PLA2G2A: variants seen among roughly 807,000 people sequenced by gnomAD.
The protein encoded by PLA2G2A is phospholipase A2 group IIA, also known as phospholipase A2, membrane associated.
A neutral mutation model predicts 11.2 loss-of-function variants in PLA2G2A; 6 were observed. The observed-to-expected ratio is 0.54, with a 90% CI of 0.29 to 1.06. PLA2G2A has a LOEUF of 1.06. Among genes scored for constraint, PLA2G2A ranks in the 50% least tolerant of loss-of-function variants. PLA2G2A has a pLI of 0.08. For missense variants in PLA2G2A, 133 were observed against 177.1 expected (o/e 0.75, Z 1.41); for synonymous variants, 69 against 65.8 (o/e 1.05, Z -0.23).
chr1:19,978,250 C>T (rs2046249183), intron 3 of PLA2G2A, 129 bp from the exon 4 acceptor site: 3 of 1,374,494 alleles, frequency 2.2e-6, no homozygotes, highest in African/African-American at 1.4e-5. Context: ...GAAGTTCCAA[C>T]ATGCCGGCTG....
intron 1 of PLA2G2A, 94 bp from the exon 2 acceptor site, chr1:19,978,973 G>GCACGCACGCACA (rs562663581): frequency 5.2e-6 from 3 of 571,986 alleles, no homozygotes; most frequent in Admixed American, 2.6e-5. Flanking sequence ...CTCCAGCAAT[G>GCACGCACGCACA]CACACACACA....
chr1:19,978,984 C>T (rs969204344), intron 1 of PLA2G2A, 105 bp from the exon 2 acceptor site: 2 of 623,532 alleles, frequency 3.2e-6, no homozygotes, highest in Non-Finnish European at 2.9e-6. Context: ...CACACACACA[C>T]ACACACACAC....
downstream of PLA2G2A, chr1:19,975,465 C>T (rs562300796): frequency 1.9e-4 from 108 of 573,798 alleles, no homozygotes; most frequent in African/African-American, 1.9e-3. Context: ...TCAGAAGAGA[C>T]CCCCCGGAGT....
At chr1:19,978,973 G>GCACGCACACGCACA (rs562663581) in intron 1 of PLA2G2A, 94 bp from the exon 2 acceptor site, 1 of 484,672 alleles carries the variant, frequency 2.1e-6, no homozygotes, top group East Asian at 3.6e-5. Context: ...CTCCAGCAAT[G>GCACGCACACGCACA]CACACACACA....
downstream of PLA2G2A, chr1:19,975,650 T>C (rs749178731): frequency 7.1e-6 from 11 of 1,554,488 alleles, no homozygotes; most frequent in Non-Finnish European, 9.8e-6. Flanking sequence ...AGGGAGGGTA[T>C]GAGAGAGGGA....
At chr1:19,978,825 T>C (rs755729647) in exon 2 of PLA2G2A, 1 of 1,584,176 alleles carries the variant, frequency 6.3e-7, no homozygotes, top group South Asian at 1.1e-5. Flanking sequence ...GCTCCTCTGC[T>C]GGGTGGTCTC....
intron 4 of PLA2G2A, among the ~76,000 whole-genome samples, chr1:19,977,066 C>T (rs1003812710): frequency 1.3e-5 from 2 of 152,228 alleles, no homozygotes; most frequent in African/African-American, 4.8e-5. Context: ...ATCACACCCA[C>T]CTCTCAGGTC....
upstream of PLA2G2A, chr1:19,979,663 G>A (rs1268424783): frequency 6.6e-6 from 1 of 152,440 alleles, no homozygotes; most frequent in East Asian, 1.9e-4. Flanking sequence ...GCTCCCTCTG[G>A]GAGGTTGGGG....
At chr1:19,978,623 C>CT (rs1302515622) in intron 2 of PLA2G2A, 99 bp from the exon 3 acceptor site, 9 of 1,599,204 alleles carry the variant, frequency 5.6e-6, no homozygotes, top group Non-Finnish European at 7.7e-6. Flanking sequence ...CAAATGGCTT[C>CT]TTTTTTCCCC....
At chr1:19,980,149 G>A (rs542448460), upstream of PLA2G2A, among the ~76,000 whole-genome samples, 1 of 152,194 alleles carries the variant, frequency 6.6e-6, no homozygotes, top group Non-Finnish European at 1.5e-5. Context: ...CAGGCCTCAC[G>A]TGTGCACCCC....
In PLA2G2A at chr1:19,978,327, C is replaced by T. The variant is rs573855267; in HGVS notation, c.185+53G>A. 36 of 1,594,392 alleles carry T rather than the reference C, an allele frequency of 2.3e-5. No individual in the cohort carries two copies. The African/African-American group carries it at 4.2e-4, about 18-fold the overall frequency. Reference sequence around the variant, plus strand: ...GAACCGGCACTGTCTTTGCAGCTCCCAGCCCTGCCTGGGCCAGAGTCTAGG... The same window carrying T: ...GAACCGGCACTGTCTTTGCAGCTCCTAGCCCTGCCTGGGCCAGAGTCTAGG... On this transcript the variant is annotated intron_variant, in intron 3 of 4. Transcript: ENST00000482011.
At chr1:19,977,841 AC>A (rs1353361513) in intron 4 of PLA2G2A, among the ~76,000 whole-genome samples, 173 bp downstream of exon 4, 1 of 152,034 alleles carries the variant, frequency 6.6e-6, no homozygotes, top group Non-Finnish European at 1.5e-5. Flanking sequence ...CTGTTTGTTT[AC>A]TTCCCACTGG....
chr1:19,975,600 G>T, downstream of PLA2G2A: 1 of 1,091,968 alleles, frequency 9.2e-7, no homozygotes, highest in Non-Finnish European at 1.4e-6. Flanking sequence ...ATGGGTGAGG[G>T]ATGCTTTCTG....
upstream of PLA2G2A, chr1:19,980,338 C>T (rs1000136426): frequency 1.0e-4 from 16 of 152,390 alleles, no homozygotes; most frequent in African/African-American, 3.6e-4. Flanking sequence ...AAAGCACTGC[C>T]TTCACTTTAT....
In PLA2G2A at chr1:19,977,999, G is replaced by T. The variant is rs746213193; in HGVS notation, c.292+16C>A. ...AAACAAATGAGGGCCACTCGATGGTGAGGTAGGACTCTTACCACAGGTGAT... is the reference window on the plus strand; with the variant it reads ...AAACAAATGAGGGCCACTCGATGGTTAGGTAGGACTCTTACCACAGGTGAT... On this transcript the variant is annotated intron_variant, in intron 4 of 4. Coordinates refer to ENST00000482011, the Ensembl canonical transcript of PLA2G2A. 46 of 1,453,228 alleles carry T rather than the reference G, an allele frequency of 3.2e-5. No individual in the cohort carries two copies. The Admixed American group carries it at 6.5e-4, about 21-fold the overall frequency. 90.0% of individuals were successfully genotyped at this position (1,453,228 alleles called of 1,614,324 possible).
downstream of PLA2G2A, chr1:19,975,480 C>T (rs2046206710): frequency 1.7e-6 from 1 of 597,300 alleles, no homozygotes; most frequent in East Asian, 2.8e-5. Context: ...CGGAGTACAG[C>T]TTCTTTGGTT....
intron 4 of PLA2G2A, among the ~76,000 whole-genome samples, chr1:19,977,433 G>A (rs1056998297): frequency 5.3e-5 from 8 of 152,202 alleles, no homozygotes; most frequent in Non-Finnish European, 1.2e-4. Flanking sequence ...CCTGCATGAT[G>A]GCAATAGCTT....
chr1:19,978,315 C>T (rs1444784199), intron 3 of PLA2G2A, 65 bp downstream of exon 3: 16 of 1,584,066 alleles, frequency 1.0e-5, no homozygotes, highest in Non-Finnish European at 1.4e-5. Flanking sequence ...CCGGCACTGT[C>T]TTTGCAGCTC....
At chr1:19,978,201 C>G in intron 3 of PLA2G2A, 80 bp from the exon 4 acceptor site, 1 of 1,354,882 alleles carries the variant, frequency 7.4e-7, no homozygotes, top group Non-Finnish European at 1.1e-6. Flanking sequence ...CCCTTGGACC[C>G]TGGGCAGAGA....
Sources: allele counts gnomAD v4.1 joint callset (sites outside exome capture counted in the v4.1 genomes callset), GRCh38; gene constraint gnomAD v4.1.1; transcripts MANE v1.5; gene names NCBI Gene and HGNC (gene_info 2026-07-23, HGNC 2026-07-21).